The following CORO2B variants were observed in gnomAD, a reference collection of about 807,000 sequenced individuals.
The protein encoded by CORO2B is coronin-2B.
CORO2B carries 26 observed loss-of-function variants against 58.8 expected under a neutral mutation model. The ratio of observed to expected loss-of-function variants is 0.44; its 90% CI spans 0.32 to 0.61. CORO2B has a LOEUF of 0.61. Ranked by LOEUF, CORO2B falls within the 20% of genes least tolerant of loss-of-function variation. CORO2B has a pLI of 0.04. For synonymous variants in CORO2B, 242 were observed against 253.8 expected, an observed-to-expected ratio of 0.95 and a Z score of 0.44; for missense variants, 460 against 645.1, an observed-to-expected ratio of 0.71 and a Z score of 3.11.
the CORO2B span, among the ~76,000 whole-genome samples, chr15:68,525,265 G>A: frequency 6.6e-6 from 1 of 152,174 alleles, no homozygotes; most frequent in African/African-American, 2.4e-5. Flanking sequence ...AATTCAGGGG[G>A]GACGGGGGAC....
At chr15:68,579,434 T>G (rs1899364911) in intron 1 of CORO2B, among the ~76,000 whole-genome samples, 157 bp downstream of exon 1, 1 of 151,646 alleles carries the variant, frequency 6.6e-6, no homozygotes, top group Non-Finnish European at 1.5e-5. Flanking sequence ...CTCGAGTCAC[T>G]CCGGCCCCCA....
At chr15:68,677,607 A>C (rs1214232934) in intron 2 of CORO2B, among the ~76,000 whole-genome samples, 1 of 152,130 alleles carries the variant, frequency 6.6e-6, no homozygotes, top group Non-Finnish European at 1.5e-5. Flanking sequence ...TTGGGAGCGG[A>C]CCTTCAAAAC....
At chr15:68,575,576 T>TGCCCC (rs1566975490), upstream of CORO2B, among the ~76,000 whole-genome samples, 1 of 15,916 alleles carries the variant, frequency 6.3e-5, no homozygotes, top group Non-Finnish European at 1.8e-4. Flanking sequence ...CCTTGTGATC[T>TGCCCC]GCCCCCGCCT....
At chr15:68,649,354 CAAG>C (rs1901560970) in intron 2 of CORO2B, among the ~76,000 whole-genome samples, 1 of 152,106 alleles carries the variant, frequency 6.6e-6, no homozygotes, top group Admixed American at 6.6e-5. Context: ...TCTCTCATTT[CAAG>C]AAGTTTTCAC....
intron 1 of CORO2B, among the ~76,000 whole-genome samples, chr15:68,580,846 G>C (rs969588290): frequency 6.6e-6 from 1 of 152,098 alleles, no homozygotes; most frequent in African/African-American, 2.4e-5. Context: ...CTTTTTGTGC[G>C]CGAGCTCATG....
chr15:68,718,558 C>T (rs1567019891), intron 8 of CORO2B, 140 bp from the exon 9 acceptor site: 1 of 691,402 alleles, frequency 1.4e-6, no homozygotes, highest in East Asian at 2.7e-5. Context: ...CCCCGGTCTA[C>T]CCCCTGCCCT....
chr15:68,717,101 C>T (rs751548499), intron 8 of CORO2B, among the ~76,000 whole-genome samples: 1 of 151,920 alleles, frequency 6.6e-6, no homozygotes, highest in African/African-American at 2.4e-5. Context: ...GTCAGGAGTT[C>T]GAGACCAGTC....
At chr15:68,577,653 G>A (rs1226147963), upstream of CORO2B, among the ~76,000 whole-genome samples, 1 of 151,348 alleles carries the variant, frequency 6.6e-6, no homozygotes, top group African/African-American at 2.4e-5. Context: ...TCCAGGAGGC[G>A]GAGGTTGCAG....
At chr15:68,640,335 G>A (rs1308878365) in intron 1 of CORO2B, among the ~76,000 whole-genome samples, 2 of 152,174 alleles carry the variant, frequency 1.3e-5, no homozygotes, top group Non-Finnish European at 2.9e-5. Flanking sequence ...CCAAGTAACT[G>A]ATAATGGAGA....
chr15:68,692,217 G>A (rs1320175359), intron 2 of CORO2B, among the ~76,000 whole-genome samples: 1 of 152,102 alleles, frequency 6.6e-6, no homozygotes, highest in East Asian at 1.9e-4. Context: ...TAATTAACAG[G>A]GTTGTTTCCA....
At chr15:68,638,307 A>T (rs552835400) in intron 1 of CORO2B, among the ~76,000 whole-genome samples, 2 of 152,056 alleles carry the variant, frequency 1.3e-5, no homozygotes, top group African/African-American at 2.4e-5. Flanking sequence ...GGAGAAGGAG[A>T]GAGGGTAGAG....
chr15:68,699,809 G>A (rs989882582), intron 3 of CORO2B, among the ~76,000 whole-genome samples: 3 of 152,224 alleles, frequency 2.0e-5, no homozygotes, highest in African/African-American at 4.8e-5. Flanking sequence ...CTGACTCCCA[G>A]TCTGCACTCT....
chr15:68,665,938 A>G (rs1902176241), intron 2 of CORO2B, among the ~76,000 whole-genome samples: 1 of 151,998 alleles, frequency 6.6e-6, no homozygotes, highest in South Asian at 2.1e-4. Context: ...TTTTAATTGC[A>G]TTGGCAGGTC....
chr15:68,605,968 C>G (rs1321727442), intron 1 of CORO2B, among the ~76,000 whole-genome samples: 1 of 151,830 alleles, frequency 6.6e-6, no homozygotes, highest in African/African-American at 2.4e-5. Context: ...TTGTGATTCG[C>G]CCACCTTGAC....
In CORO2B at chr15:68,621,866, C is replaced by T. The variant is rs182791826; in HGVS notation, c.16-23294C>T. On this transcript the variant is annotated intron_variant, in intron 1 of 11. Transcript: ENST00000261861. ...TGACCTCCCAGGTTCAAGTGATCCT[C>T]CCACCTCAGCCTCCCAAGGAGCTGG... 2.3e-4 allele frequency among the ~76,000 whole-genome samples: 35 copies of T among 151,722 alleles called. 1 individual carries two copies. The East Asian group carries it at 6.0e-3, about 26-fold the overall frequency.
At chr15:68,633,186 T>C (rs8030733) in intron 1 of CORO2B, among the ~76,000 whole-genome samples, 36,176 of 151,832 alleles carry the variant, frequency 0.24, 4,909 homozygotes, top group African/African-American at 0.37. Flanking sequence ...GAATGCTACA[T>C]GACCACCTAG....
At chr15:68,542,754 AG>A in the CORO2B span, among the ~76,000 whole-genome samples, 10 of 152,210 alleles carry the variant, frequency 6.6e-5, no homozygotes, top group Non-Finnish European at 1.3e-4. Flanking sequence ...ACATTTTTAT[AG>A]GTCAGGGCAA....
chr15:68,583,007 C>T (rs1899467563), intron 1 of CORO2B, among the ~76,000 whole-genome samples: 1 of 152,176 alleles, frequency 6.6e-6, no homozygotes, highest in Admixed American at 6.5e-5. Flanking sequence ...GAAGACCTTT[C>T]ATGCCAACAT....
intron 3 of CORO2B, among the ~76,000 whole-genome samples, chr15:68,700,802 CGG>C (rs1892623691): frequency 4.7e-5 from 1 of 21,430 alleles, no homozygotes; most frequent in Non-Finnish European, 1.9e-4. Flanking sequence ...CCAGCAGCCG[CGG>C]AGAGAGAGAG....
Sources: gnomAD v4.1 joint callset for allele counts (sites outside exome capture counted in the v4.1 genomes callset) on GRCh38, gnomAD v4.1.1 for gene constraint, MANE v1.5 for transcripts, NCBI Gene and HGNC (gene_info 2026-07-23, HGNC 2026-07-21) for gene names.